NT5DC1: variants seen among roughly 807,000 people sequenced by gnomAD.
NT5DC1 encodes the protein 5'-nucleotidase domain-containing protein 1.
A neutral mutation model predicts 59.4 loss-of-function variants in NT5DC1; 42 were observed. That is an observed-to-expected ratio of 0.71 (90% CI 0.55 to 0.92). NT5DC1 has a LOEUF of 0.92. Among genes scored for constraint, NT5DC1 ranks in the 40% least tolerant of loss-of-function variants. The probability of loss-of-function intolerance (pLI) is 0.00; values close to 1 mark genes in which losing one functional copy is unlikely to be tolerated. For synonymous variants in NT5DC1, 172 were observed against 188.1 expected (o/e 0.91, Z 0.70); for missense variants, 501 against 537.1 (o/e 0.93, Z 0.66).
chr6:116,188,929 G>A (rs1781060971), intron 6 of NT5DC1, among the ~76,000 whole-genome samples: 1 of 151,872 alleles, frequency 6.6e-6, no homozygotes. Context: ...CCATTTTGCA[G>A]AGTGGAGTTT....
intron 6 of NT5DC1, chr6:116,125,325 A>G: frequency 1.9e-6 from 3 of 1,612,726 alleles, no homozygotes; most frequent in East Asian, 2.2e-5. Context: ...AACAAAATAT[A>G]CAATTCAATT....
chr6:116,163,126 CA>C (rs71272373), intron 6 of NT5DC1, among the ~76,000 whole-genome samples: 9 of 84,324 alleles, frequency 1.1e-4, no homozygotes, highest in East Asian at 2.7e-4. Flanking sequence ...GACTCCGTCT[CA>C]AAAAAAAAAA....
At chr6:116,177,196 T>A (rs981229034) in intron 6 of NT5DC1, among the ~76,000 whole-genome samples, 29 of 152,242 alleles carry the variant, frequency 1.9e-4, no homozygotes, top group African/African-American at 5.3e-4. Context: ...CAACAAATTC[T>A]CAATACAAAT....
chr6:116,115,780 G>A lies in NT5DC1; in HGVS notation c.444+10G>A. ...GGACTATTTAACAAAAGTAAGTGGG[G>A]ACTCATTTTTTAAAACTATGATATG... On this transcript the variant is annotated intron_variant, in intron 5 of 11. Transcript: ENST00000319550. 2 of 1,448,806 alleles carry A rather than the reference G, an allele frequency of 1.4e-6. No homozygotes were observed. The highest frequency in any genetic ancestry group is 1.7e-4 in the Middle Eastern group (1 of 5,724). 89.7% of individuals were successfully genotyped at this position (1,448,806 alleles called of 1,614,324 possible). A position where few individuals can be genotyped will look rare whatever the true frequency, so the allele number is the denominator to read the frequency against.
chr6:116,208,355 C>A (rs1231252535), intron 6 of NT5DC1, among the ~76,000 whole-genome samples: 1 of 151,842 alleles, frequency 6.6e-6, no homozygotes, highest in East Asian at 1.9e-4. Flanking sequence ...AAAACAAAAC[C>A]CTCCCAAAAT....
chr6:116,115,704 T>C lies in NT5DC1; in HGVS notation c.378T>C (p.Phe126=), dbSNP rs1404744046. The change falls in exon 5 of 12, where the codon TTT becomes TTC. Residue 126 remains phenylalanine (F), a synonymous_variant. Coordinates refer to ENST00000319550, the MANE Select transcript of NT5DC1 (RefSeq NM_152729.3). ...GTTCTTTTTTAGGAAAGTATTACTT[T>C]TACGACAACTACTTTGACCTGCCAG... ...GMACRSGKYY[F]YDNYFDLPGA... 14 of 1,593,206 alleles carry C rather than the reference T, an allele frequency of 8.8e-6. No individual in the cohort carries two copies. Among genetic ancestry groups the C allele is most frequent in the Non-Finnish European group, 1.1e-5 (13 of 1,161,216 alleles).
At chr6:116,235,082 A>G (rs1782090844) in intron 8 of NT5DC1, among the ~76,000 whole-genome samples, 2 of 144,414 alleles carry the variant, frequency 1.4e-5, no homozygotes, top group Non-Finnish European at 3.0e-5. Context: ...GAGTCTCAAC[A>G]TTTAAGAAGT....
chr6:116,136,494 C>T (rs1374947311), intron 6 of NT5DC1, among the ~76,000 whole-genome samples: 1 of 151,790 alleles, frequency 6.6e-6, no homozygotes, highest in Non-Finnish European at 1.5e-5. Context: ...GAAAATGAAG[C>T]TTATTAAGTG....
intron 6 of NT5DC1, among the ~76,000 whole-genome samples, chr6:116,148,167 A>G (rs1582834793): frequency 6.6e-6 from 1 of 152,324 alleles, no homozygotes; most frequent in African/African-American, 2.4e-5. Flanking sequence ...ATAAGGATAG[A>G]CAAACTAGTA....
At chr6:116,224,946 T>G (rs1429661469) in intron 8 of NT5DC1, among the ~76,000 whole-genome samples, 1 of 151,980 alleles carries the variant, frequency 6.6e-6, no homozygotes. Context: ...AGAGCGACAG[T>G]ACTGGAAATG....
At chr6:116,202,955 T>G (rs1781377173) in intron 6 of NT5DC1, among the ~76,000 whole-genome samples, 2 of 151,956 alleles carry the variant, frequency 1.3e-5, no homozygotes, top group Non-Finnish European at 2.9e-5. Context: ...GGAGGGGCTG[T>G]CTCATAATAA....
intron 6 of NT5DC1, among the ~76,000 whole-genome samples, chr6:116,122,751 A>G (rs1006285867): frequency 1.1e-4 from 17 of 152,240 alleles, no homozygotes; most frequent in African/African-American, 4.1e-4. Flanking sequence ...CATTTGGTGT[A>G]TATAAATGCA....
chr6:116,142,589 CTG>C (rs58582391), intron 6 of NT5DC1, among the ~76,000 whole-genome samples: 5,300 of 152,068 alleles, frequency 0.035, 302 homozygotes, highest in African/African-American at 0.12. Context: ...GTGGTAAAAA[CTG>C]TGTTTTTTCC....
At chr6:116,195,524 A>G (rs955521699) in intron 6 of NT5DC1, among the ~76,000 whole-genome samples, 1 of 152,096 alleles carries the variant, frequency 6.6e-6, no homozygotes, top group African/African-American at 2.4e-5. Flanking sequence ...CAGGGATTCC[A>G]ATGATAATCC....
At chr6:116,227,755 A>G (rs1781938095) in intron 8 of NT5DC1, among the ~76,000 whole-genome samples, 1 of 152,124 alleles carries the variant, frequency 6.6e-6, no homozygotes. Flanking sequence ...AGACATTTGT[A>G]TATCTTTTTG....
intron 11 of NT5DC1, among the ~76,000 whole-genome samples, chr6:116,242,557 A>T (rs1771759424): frequency 6.6e-6 from 1 of 152,052 alleles, no homozygotes; most frequent in South Asian, 2.1e-4. Context: ...AAAAATGATT[A>T]GCATGAGAGA....
chr6:116,112,522 A>G (rs928419392), intron 4 of NT5DC1, among the ~76,000 whole-genome samples: 2 of 152,196 alleles, frequency 1.3e-5, no homozygotes, highest in African/African-American at 4.8e-5. Context: ...GGAATTATGT[A>G]TTTACCTTGC....
chr6:116,145,171 C>T (rs1779865532), intron 6 of NT5DC1, among the ~76,000 whole-genome samples: 1 of 152,094 alleles, frequency 6.6e-6, no homozygotes, highest in Non-Finnish European at 1.5e-5. Context: ...CCTCACTCTG[C>T]AGTGAGAAGT....
chr6:116,210,991 C>T (rs1781565659), intron 6 of NT5DC1, among the ~76,000 whole-genome samples: 1 of 151,916 alleles, frequency 6.6e-6, no homozygotes, highest in African/African-American at 2.4e-5. Context: ...ATGAGCTGGA[C>T]CTCTATCATC....
Sources: gnomAD v4.1 joint callset for allele counts (sites outside exome capture counted in the v4.1 genomes callset) on GRCh38, gnomAD v4.1.1 for gene constraint, MANE v1.5 for transcripts, NCBI Gene and HGNC (gene_info 2026-07-23, HGNC 2026-07-21) for gene names.